PTPN9: variants seen among roughly 807,000 people sequenced by gnomAD.
PTPN9 encodes protein tyrosine phosphatase non-receptor type 9.
Under a neutral mutation model 69.8 loss-of-function variants are expected in PTPN9, and 26 were observed. The ratio of observed to expected loss-of-function variants is 0.37; its 90% CI spans 0.27 to 0.52. The LOEUF (loss-of-function observed/expected upper bound fraction) is 0.52, where lower values mean the gene tolerates loss of function less well. PTPN9 is among the 20% of genes least tolerant of loss of function. The pLI, the probability that PTPN9 is intolerant of heterozygous loss-of-function variation, is 0.91. For missense variants in PTPN9, 549 were observed against 740.3 expected, an observed-to-expected ratio of 0.74 and a Z score of 3.00; for synonymous variants, 274 against 272.5, an observed-to-expected ratio of 1.01 and a Z score of -0.05.
intron 8 of PTPN9, chr15:75,480,901 G>A (rs2074628500): frequency 3.8e-6 from 1 of 260,334 alleles, no homozygotes; most frequent in Admixed American, 5.9e-5. Flanking sequence ...ACCCCGTCTG[G>A]GAAGTGAGGA....
intron 1 of PTPN9, among the ~76,000 whole-genome samples, chr15:75,528,027 G>A (rs1026270218): frequency 1.3e-5 from 2 of 152,192 alleles, no homozygotes; most frequent in Non-Finnish European, 2.9e-5. Flanking sequence ...TTTGGAATTT[G>A]AGGCCAGTAA....
intron 7 of PTPN9, among the ~76,000 whole-genome samples, chr15:75,504,240 C>G (rs995879941): frequency 7.4e-6 from 1 of 135,836 alleles, no homozygotes; most frequent in Non-Finnish European, 1.6e-5. Flanking sequence ...GGCCAGCCGC[C>G]CCGTCCGGGA....
At chr15:75,570,943 T>C (rs1279613932) in intron 1 of PTPN9, among the ~76,000 whole-genome samples, 2 of 152,074 alleles carry the variant, frequency 1.3e-5, no homozygotes, top group Admixed American at 1.3e-4. Flanking sequence ...TAAGCTAACA[T>C]GGTTCTAAAA....
chr15:75,557,044 G>A (rs1007881198), intron 1 of PTPN9, among the ~76,000 whole-genome samples: 30 of 152,144 alleles, frequency 2.0e-4, no homozygotes, highest in Non-Finnish European at 4.1e-4. Context: ...TTTTAAGGCC[G>A]AGTAATATTC....
chr15:75,502,166 G>T (rs1185883777), intron 7 of PTPN9, among the ~76,000 whole-genome samples: 1 of 151,550 alleles, frequency 6.6e-6, no homozygotes, highest in East Asian at 1.9e-4. Context: ...AGAAAAAGAG[G>T]CCAGGTGCGG....
At chr15:75,469,228 A>C (rs2074551603) in intron 12 of PTPN9, among the ~76,000 whole-genome samples, 1 of 152,248 alleles carries the variant, frequency 6.6e-6, no homozygotes, top group Non-Finnish European at 1.5e-5. Context: ...GGAAATGGGA[A>C]GGTGACACAG....
chr15:75,507,174 T>C (rs1433693153), intron 6 of PTPN9, among the ~76,000 whole-genome samples: 2 of 152,212 alleles, frequency 1.3e-5, no homozygotes, highest in Admixed American at 6.5e-5. Context: ...GCTGGCACGG[T>C]GGCTCATGCC....
At chr15:75,562,302 C>T (rs1002461645) in intron 1 of PTPN9, among the ~76,000 whole-genome samples, 3 of 152,152 alleles carry the variant, frequency 2.0e-5, no homozygotes, top group African/African-American at 7.2e-5. Context: ...CATCTTGGAA[C>T]AATAAATAAC....
intron 10 of PTPN9, among the ~76,000 whole-genome samples, chr15:75,472,470 T>G (rs2141670758): frequency 6.9e-6 from 1 of 144,450 alleles, no homozygotes; most frequent in East Asian, 2.1e-4. Flanking sequence ...AAAAATAAAA[T>G]AAAATAAAAT....
At chr15:75,532,828 C>T (rs1395653789) in intron 1 of PTPN9, among the ~76,000 whole-genome samples, 12 of 152,310 alleles carry the variant, frequency 7.9e-5, no homozygotes, top group African/African-American at 2.9e-4. Flanking sequence ...GCCTCATCTT[C>T]AACAACCTTC....
chr15:75,485,686 AAAG>A (rs2074671497), intron 8 of PTPN9, among the ~76,000 whole-genome samples: 2 of 150,576 alleles, frequency 1.3e-5, no homozygotes, highest in East Asian at 3.9e-4. Context: ...TCACTTCTTT[AAAG>A]AAGACATTAT....
At chr15:75,484,355 G>C (rs1401745038) in intron 8 of PTPN9, among the ~76,000 whole-genome samples, 2 of 152,190 alleles carry the variant, frequency 1.3e-5, no homozygotes, top group African/African-American at 4.8e-5. Flanking sequence ...TATGAATGGA[G>C]AAGAAATAAA....
rs776595647 is a variant in PTPN9, at chr15:75,571,483, C to T, written c.63+7231G>A. Among the ~76,000 whole-genome samples, 48 of 152,034 alleles carry T rather than the reference C, an allele frequency of 3.2e-4. 1 individual carries two copies. Among genetic ancestry groups the T allele is most frequent in the South Asian group, 2.1e-4 (1 of 4,818 alleles). ...AAATAATAATAATTTTCAGGCTGGGCGTGGTGGCTCACGCCTGTACTCCCA... is the reference window on the plus strand; with the variant it reads ...AAATAATAATAATTTTCAGGCTGGGTGTGGTGGCTCACGCCTGTACTCCCA... On this transcript the variant is annotated intron_variant, in intron 1 of 12. Coordinates refer to ENST00000618819, the MANE Select transcript of PTPN9 (RefSeq NM_002833.4).
At chr15:75,480,379 T>C (rs1160049158) in intron 8 of PTPN9, among the ~76,000 whole-genome samples, 8 of 151,910 alleles carry the variant, frequency 5.3e-5, no homozygotes, top group Non-Finnish European at 7.4e-5. Flanking sequence ...CCGAGGAGGG[T>C]GGATCACGAG....
At chr15:75,518,218 A>G (rs2074881683) in intron 4 of PTPN9, among the ~76,000 whole-genome samples, 1 of 152,098 alleles carries the variant, frequency 6.6e-6, no homozygotes, top group Non-Finnish European at 1.5e-5. Flanking sequence ...AGTGACCTAT[A>G]GTCTCAGCTA....
chr15:75,509,087 G>A, intron 5 of PTPN9, 60 bp from the exon 6 acceptor site: 1 of 1,410,636 alleles, frequency 7.1e-7, no homozygotes, highest in Non-Finnish European at 1.0e-6. Flanking sequence ...TCAAGCCCAA[G>A]TTTAGGTTTT....
At chr15:75,503,842 C>T (rs535926596) in intron 7 of PTPN9, among the ~76,000 whole-genome samples, 4 of 127,902 alleles carry the variant, frequency 3.1e-5, no homozygotes, top group Non-Finnish European at 5.1e-5. Context: ...CCGCCCCGTC[C>T]GGGAGGGAGG....
intron 2 of PTPN9, among the ~76,000 whole-genome samples, chr15:75,525,159 C>A (rs2074922044): frequency 6.6e-6 from 1 of 151,930 alleles, no homozygotes; most frequent in African/African-American, 2.4e-5. Flanking sequence ...TCTCCAACAG[C>A]AGCTACCATG....
intron 1 of PTPN9, among the ~76,000 whole-genome samples, chr15:75,563,480 C>A (rs750700518): frequency 6.6e-6 from 1 of 152,000 alleles, no homozygotes; most frequent in Admixed American, 6.6e-5. Context: ...GAGCCCACAC[C>A]CCTGGCTGGT....
Sources: gnomAD v4.1 joint callset for allele counts (sites outside exome capture counted in the v4.1 genomes callset) on GRCh38, gnomAD v4.1.1 for gene constraint, MANE v1.5 for transcripts, NCBI Gene and HGNC (gene_info 2026-07-23, HGNC 2026-07-21) for gene names.